Variants in CHD2 observed in about 807,000 individuals in gnomAD.
CHD2 encodes ATP-dependent chromatin remodeler CHD2.
Under a neutral mutation model 243.9 loss-of-function variants are expected in CHD2, and 28 were observed. That is an observed-to-expected ratio of 0.11 (90% CI 0.09 to 0.16). The LOEUF is 0.16. Ranked by LOEUF, CHD2 falls within the 10% of genes least tolerant of loss-of-function variation. The pLI, the probability that CHD2 is intolerant of heterozygous loss-of-function variation, is 1.00. For synonymous variants in CHD2, 775 were observed against 779.0 expected (o/e 0.99, Z 0.09); for missense variants, 1,386 against 2,209.8 (o/e 0.63, Z 7.47).
At chr15:92,950,957 A>G (rs185282863) in intron 13 of CHD2, among the ~76,000 whole-genome samples, 39 of 152,244 alleles carry the variant, frequency 2.6e-4, no homozygotes, top group Admixed American at 2.2e-3. Context: ...GTTTGATATA[A>G]TGATTCTGAA....
intron 25 of CHD2, 95 bp downstream of exon 25, chr15:92,984,595 C>A: frequency 8.3e-7 from 1 of 1,204,150 alleles, no homozygotes; most frequent in Non-Finnish European, 1.1e-6. Flanking sequence ...GCATTGTTCC[C>A]CTGACACAGA....
chr15:93,014,002 G>A (rs1596457817), intron 36 of CHD2, among the ~76,000 whole-genome samples: 1 of 150,952 alleles, frequency 6.6e-6, no homozygotes. Flanking sequence ...ATCCATATTG[G>A]GGAGTATTAA....
chr15:92,919,151 C>G (rs144060310), intron 2 of CHD2, among the ~76,000 whole-genome samples: 1 of 150,642 alleles, frequency 6.6e-6, no homozygotes, highest in South Asian at 2.1e-4. Context: ...CCACCATGCT[C>G]GGCCCATAAT....
chr15:93,005,996 A>T (rs1596452926), intron 34 of CHD2, among the ~76,000 whole-genome samples: 1 of 152,168 alleles, frequency 6.6e-6, no homozygotes, highest in South Asian at 2.1e-4. Context: ...AATTTCAGGG[A>T]TATAATAGTC....
intron 26 of CHD2, among the ~76,000 whole-genome samples, chr15:92,989,223 G>A (rs1334878113): frequency 6.6e-6 from 1 of 151,874 alleles, no homozygotes; most frequent in African/African-American, 2.4e-5. Context: ...GTAGAGACAG[G>A]GTTTCACCAT....
chr15:93,016,467 A>G (rs1020644935), intron 37 of CHD2, among the ~76,000 whole-genome samples: 11 of 152,238 alleles, frequency 7.2e-5, no homozygotes, highest in African/African-American at 9.6e-5. Flanking sequence ...ACAATGTATT[A>G]TATAAGTGAG....
rs2053851384 is a variant in CHD2 at position 92,972,271 on chromosome 15, A to G, written c.2359A>G (p.Ile787Val). ...ATGTCTTTTAAATCTTCAGTCCCTC[A>G]TAAGGAGCAGTGGGAAGTTGATTTT... is the stretch of plus-strand genomic sequence containing the variant. ...ENGQEILLSL[I>V]RSSGKLILLD... Residue 787 changes from isoleucine (I) to valine (V), a missense_variant, in exon 19 of 39, where the codon ATA (isoleucine) becomes GTA (valine). This residue lies in a region of CHD2 where 118 missense variants were observed against 266.3 expected (regional missense o/e 0.44). Transcript: ENST00000394196. The G allele has an allele frequency of 2.5e-6, 4 of 1,610,324 alleles. No homozygotes were observed. The highest frequency in any genetic ancestry group is 1.3e-5 in the African/African-American group (1 of 74,586).
chr15:92,967,394 T>C lies in CHD2; in HGVS notation c.2070T>C (p.His690=), dbSNP rs1301422779. The change falls in exon 17 of 39, where the codon CAT becomes CAC. Residue 690 remains histidine (H), a synonymous_variant. Coordinates refer to ENST00000394196, the MANE Select transcript of CHD2 (RefSeq NM_001271.4). The part of the protein sequence containing the change: ...KGRENGYQSL[H]KVLEPFLLRR... The stretch of plus-strand genomic sequence containing the variant: ...GAGAAAATGGCTACCAGAGTCTTCA[T>C]AAGGTGCTAGAGCCTTTCCTTCTCC... The C allele has an allele frequency of 6.2e-7, 1 of 1,613,542 alleles. No homozygotes were observed. Among genetic ancestry groups the C allele is most frequent in the African/African-American group, 1.3e-5 (1 of 74,864 alleles).
At chr15:93,015,000 C>G (rs2054440353) in intron 37 of CHD2, 91 bp downstream of exon 37, 2 of 994,076 alleles carry the variant, frequency 2.0e-6, no homozygotes, top group Non-Finnish European at 1.6e-6. Flanking sequence ...GGCTAGACTT[C>G]TGTGCTTTAT....
rs946552849 is a variant in CHD2, at chr15:92,967,717, T to C, written c.2189+204T>C. Among the ~76,000 whole-genome samples the C allele has an allele frequency of 4.0e-5, 6 of 151,648 alleles. 1 individual carries two copies. Among genetic ancestry groups the C allele is most frequent in the African/African-American group, 1.2e-4 (5 of 41,254 alleles). On this transcript the variant is annotated intron_variant, in intron 17 of 38. Coordinates refer to ENST00000394196, the MANE Select transcript of CHD2 (RefSeq NM_001271.4). ...ATTTTTTTTGTATTTTTAGTAGAGA[T>C]GGGATTTTTCCATGTTGGTCAGGCT... is the stretch of plus-strand genomic sequence containing the variant.
At chr15:93,013,770 A>G (rs866566952) in intron 36 of CHD2, among the ~76,000 whole-genome samples, 3 of 151,966 alleles carry the variant, frequency 2.0e-5, no homozygotes, top group South Asian at 2.1e-4. Flanking sequence ...CCTCATCTCT[A>G]CATAAACTAC....
chr15:92,939,373 TAGAATG>T (rs1208567575), intron 6 of CHD2, among the ~76,000 whole-genome samples, 199 bp from the exon 7 acceptor site: 1 of 152,246 alleles, frequency 6.6e-6, no homozygotes, highest in African/African-American at 2.4e-5. Flanking sequence ...TTATCAGCAT[TAGAATG>T]ACCTTCCTGT....
chr15:92,937,012 GC>G (rs1473385803), intron 5 of CHD2, among the ~76,000 whole-genome samples: 4 of 152,042 alleles, frequency 2.6e-5, no homozygotes, highest in Non-Finnish European at 5.9e-5. Flanking sequence ...GCTCCACCAG[GC>G]CTGGCTCAAT....
At chr15:92,970,884 A>G (rs1333906468) in intron 17 of CHD2, among the ~76,000 whole-genome samples, 2 of 152,216 alleles carry the variant, frequency 1.3e-5, no homozygotes, top group Admixed American at 6.5e-5. Flanking sequence ...TGCGCCACTC[A>G]GGAAAAAATG....
chr15:92,940,935 TA>T (rs1222734207), intron 7 of CHD2, among the ~76,000 whole-genome samples: 2 of 137,434 alleles, frequency 1.5e-5, no homozygotes, highest in Admixed American at 7.7e-5. Flanking sequence ...TAAATATATA[TA>T]AAATATATAT....
At position 92,956,155 on chromosome 15, in the gene CHD2, A is replaced by G. The variant is rs7180285; in HGVS notation, c.1810-304A>G. Among the ~76,000 whole-genome samples, 118,032 of 151,978 alleles carry G rather than the reference A, an allele frequency of 0.78. 47,051 individuals carry two copies. The highest frequency in any genetic ancestry group is 1 in the East Asian group (5,165 of 5,176). ...AATTAAGGGGAGAATACAGAATCAT[A>G]TGGTTTTTTTGTTTTATTTTTGCCC... On this transcript the variant is annotated intron_variant, in intron 15 of 38. Coordinates refer to ENST00000394196, the MANE Select transcript of CHD2 (RefSeq NM_001271.4).
chr15:93,006,460 A>G (rs2054323654), intron 34 of CHD2, among the ~76,000 whole-genome samples: 1 of 152,088 alleles, frequency 6.6e-6, no homozygotes, highest in African/African-American at 2.4e-5. Flanking sequence ...CGTAACCATG[A>G]TTCTGAATTC....
At chr15:93,013,865 G>A (rs184470599) in intron 36 of CHD2, among the ~76,000 whole-genome samples, 1 of 146,992 alleles carries the variant, frequency 6.8e-6, no homozygotes, top group Non-Finnish European at 1.5e-5. Flanking sequence ...AGACCAGGAG[G>A]TGGAGGTAGC....
intron 3 of CHD2, 71 bp from the exon 4 acceptor site, chr15:92,927,173 T>C (rs2053078940): frequency 9.1e-7 from 1 of 1,094,968 alleles, no homozygotes; most frequent in Non-Finnish European, 1.4e-6. Flanking sequence ...TCTCTTCAAT[T>C]GCAATAAACG....
Sources: allele counts gnomAD v4.1 joint callset (sites outside exome capture counted in the v4.1 genomes callset), GRCh38; gene constraint gnomAD v4.1.1; regional missense constraint gnomAD v4.1.1; transcripts MANE v1.5; gene names NCBI Gene and HGNC (gene_info 2026-07-23, HGNC 2026-07-21).